Variants in CCDC178 observed in about 807,000 individuals in gnomAD.
The protein encoded by CCDC178 is coiled-coil domain containing 178.
In CCDC178, 126 loss-of-function variants were observed where a neutral mutation model predicts 117.4. The ratio of observed to expected loss-of-function variants is 1.07; its 90% confidence interval spans 0.93 to 1.24. CCDC178 has a LOEUF of 1.24. CCDC178 is among the 50% of genes most tolerant of loss of function. The pLI, the probability that CCDC178 is intolerant of heterozygous loss-of-function variation, is 0.00. For synonymous variants in CCDC178, 283 were observed against 313.4 expected (o/e 0.90, Z 1.02); for missense variants, 1,030 against 986.9 (o/e 1.04, Z -0.59).
intron 20 of CCDC178, among the ~76,000 whole-genome samples, chr18:33,182,829 A>C (rs1568039351): frequency 6.6e-6 from 1 of 152,006 alleles, no homozygotes; most frequent in African/African-American, 2.4e-5. Flanking sequence ...AATCATAAAT[A>C]TATCCCAATG....
chr18:33,219,220 A>G (rs1375589012), intron 18 of CCDC178, among the ~76,000 whole-genome samples: 1 of 152,140 alleles, frequency 6.6e-6, no homozygotes, highest in Non-Finnish European at 1.5e-5. Flanking sequence ...TCAATATCAC[A>G]ATGAGATACC....
chr18:33,295,866 G>T (rs1322333334), intron 11 of CCDC178, among the ~76,000 whole-genome samples: 1 of 152,244 alleles, frequency 6.6e-6, no homozygotes, highest in East Asian at 1.9e-4. Context: ...TGGAAGACCA[G>T]TTTGGCAGTT....
intron 21 of CCDC178, among the ~76,000 whole-genome samples, chr18:33,030,460 GTTA>G (rs1408029815): frequency 6.6e-6 from 1 of 151,624 alleles, no homozygotes; most frequent in African/African-American, 2.4e-5. Flanking sequence ...CACATTTAAT[GTTA>G]TTATCAATAT....
intron 18 of CCDC178, among the ~76,000 whole-genome samples, chr18:33,219,555 A>T (rs2059206552): frequency 6.6e-6 from 1 of 152,190 alleles, no homozygotes; most frequent in Non-Finnish European, 1.5e-5. Flanking sequence ...GACTGGATTA[A>T]GAAAATGTGG....
chr18:33,405,967 AC>A (rs2063774605), intron 3 of CCDC178, among the ~76,000 whole-genome samples: 1 of 152,084 alleles, frequency 6.6e-6, no homozygotes, highest in South Asian at 2.1e-4. Flanking sequence ...CAGGAATAAA[AC>A]AATATTCCTT....
intron 5 of CCDC178, among the ~76,000 whole-genome samples, chr18:33,383,152 C>T (rs938722315): frequency 2.6e-5 from 4 of 152,186 alleles, no homozygotes; most frequent in Non-Finnish European, 4.4e-5. Context: ...TAGATCCCTC[C>T]TCACTGGGCA....
intron 20 of CCDC178, among the ~76,000 whole-genome samples, chr18:33,106,882 T>C (rs2057713585): frequency 6.6e-6 from 1 of 151,670 alleles, no homozygotes; most frequent in Non-Finnish European, 1.5e-5. Flanking sequence ...TCTTTGAAGA[T>C]TAAAGAAGAA....
At chr18:33,046,532 AT>A (rs199692432) in intron 21 of CCDC178, among the ~76,000 whole-genome samples, 2 of 152,198 alleles carry the variant, frequency 1.3e-5, no homozygotes, top group Non-Finnish European at 2.9e-5. Context: ...AAGCAAAAAA[AT>A]AACCACAGTA....
intron 20 of CCDC178, among the ~76,000 whole-genome samples, chr18:33,149,401 T>G (rs1435701377): frequency 6.6e-6 from 1 of 152,222 alleles, no homozygotes; most frequent in East Asian, 1.9e-4. Context: ...AATGTGGAGC[T>G]ATGTGAACAA....
At chr18:33,249,282 G>T (rs1004594962) in intron 14 of CCDC178, among the ~76,000 whole-genome samples, 8 of 151,924 alleles carry the variant, frequency 5.3e-5, no homozygotes, top group South Asian at 2.1e-4. Context: ...TTAGATCCCA[G>T]TTGTCTATTT....
At chr18:33,120,187 TAAAG>T (rs763189620) in intron 20 of CCDC178, among the ~76,000 whole-genome samples, 4 of 144,310 alleles carry the variant, frequency 2.8e-5, no homozygotes, top group Non-Finnish European at 6.0e-5. Context: ...AGTATAATAA[TAAAG>T]AAAGAAAAAA....
At chr18:33,328,083 ATTTTTTTTTTTTTTTTTTTTTTT>A (rs771034112) in intron 10 of CCDC178, 20 of 100,728 alleles carry the variant, frequency 2.0e-4, no homozygotes, top group South Asian at 8.8e-4. Flanking sequence ...TTATCCCTAG[ATTTTTTTTTTTTTTTTTTTTTTT>A]TTTTTTTTTT....
intron 20 of CCDC178, among the ~76,000 whole-genome samples, chr18:33,159,105 A>G (rs368962074): frequency 6.6e-6 from 1 of 152,104 alleles, no homozygotes; most frequent in Non-Finnish European, 1.5e-5. Flanking sequence ...AATAGAGGCC[A>G]TGTGATTAAT....
chr18:33,337,480 G>T (rs1009640555), intron 9 of CCDC178, among the ~76,000 whole-genome samples: 1 of 151,994 alleles, frequency 6.6e-6, no homozygotes, highest in African/African-American at 2.4e-5. Context: ...TCCTTGTCTT[G>T]CTCCAGTTCT....
chr18:33,435,617 A>C (rs1271434596), intron 2 of CCDC178, among the ~76,000 whole-genome samples: 1 of 151,792 alleles, frequency 6.6e-6, no homozygotes, highest in African/African-American at 2.4e-5. Context: ...CTTATTGAAG[A>C]AGACCATGAT....
chr18:33,238,715 T>C (rs908933587), intron 15 of CCDC178, among the ~76,000 whole-genome samples: 6 of 152,228 alleles, frequency 3.9e-5, no homozygotes, highest in African/African-American at 1.4e-4. Context: ...ACATGTTTAA[T>C]GAAATAATAG....
chr18:33,108,638 ATAAG>A (rs913645458), intron 20 of CCDC178, among the ~76,000 whole-genome samples: 2 of 151,652 alleles, frequency 1.3e-5, no homozygotes, highest in Non-Finnish European at 3.0e-5. Context: ...TTATTATTAA[ATAAG>A]TAAGAATATT....
chr18:33,256,356 C>T (rs1212022201), intron 14 of CCDC178, among the ~76,000 whole-genome samples: 1 of 151,918 alleles, frequency 6.6e-6, no homozygotes, highest in Non-Finnish European at 1.5e-5. Flanking sequence ...ATGTCTTGAA[C>T]AGGGCAGAAG....
At position 33,139,219 on chromosome 18, in the gene CCDC178, C is replaced by A. The variant is rs545286337; in HGVS notation, c.2239-46309G>T. 3.9e-5 allele frequency among the ~76,000 whole-genome samples: 6 copies of A among 152,270 alleles called. No homozygotes were observed. The South Asian group carries it at 1.0e-3, about 26-fold the overall frequency. On this transcript the variant is annotated intron_variant, in intron 20 of 22. Transcript: ENST00000383096. ...TTGTGAGGCCATGTGGAAATTAAAT[C>A]TCTTTTGCTTCCCAGTCTCTAGTAT...
Sources: allele counts gnomAD v4.1 joint callset (sites outside exome capture counted in the v4.1 genomes callset), GRCh38; gene constraint gnomAD v4.1.1; transcripts MANE v1.5; gene names NCBI Gene and HGNC (gene_info 2026-07-23, HGNC 2026-07-21).